Variants in UHRF2 observed in about 807,000 individuals in gnomAD.
UHRF2 encodes the protein E3 ubiquitin-protein ligase UHRF2.
UHRF2 carries 23 observed loss-of-function variants against 96.8 expected under a neutral mutation model. The observed-to-expected ratio is 0.24, with a 90% confidence interval of 0.17 to 0.34. UHRF2 has a LOEUF of 0.34. Among genes scored for constraint, UHRF2 ranks in the 10% least tolerant of loss-of-function variants. UHRF2 has a pLI of 1.00. For missense variants in UHRF2, 685 were observed against 981.5 expected (o/e 0.70, Z 4.04); for synonymous variants, 385 against 332.6 (o/e 1.16, Z -1.72).
rs1372600233 is a variant in UHRF2 at position 6,420,983 on chromosome 9, A to T, written c.225A>T (p.Pro75=). The T allele has an allele frequency of 1.9e-6, 3 of 1,613,740 alleles. No individual in the cohort carries two copies. In the South Asian group the frequency reaches 3.3e-5, roughly 18 times the overall value. Residue 75 remains proline, a synonymous_variant, in exon 2 of 16, where the codon CCA becomes CCT. Transcript: ENST00000276893. ...LNDIIQLLVR[P]DPDHLPGTST... ...ATATAATTCAGCTGCTAGTTCGCCC[A>T]GACCCTGATCATCTTCCTGGCACAT...
At chr9:6,430,723 C>T (rs1311598736) in intron 2 of UHRF2, among the ~76,000 whole-genome samples, 7 of 152,152 alleles carry the variant, frequency 4.6e-5, no homozygotes, top group Admixed American at 4.6e-4. Context: ...TTCAAACTAG[C>T]CATCTTGTTT....
chr9:6,444,775 G>A (rs971809980), intron 3 of UHRF2, among the ~76,000 whole-genome samples: 8 of 152,136 alleles, frequency 5.3e-5, no homozygotes, highest in Admixed American at 1.3e-4. Context: ...CCTAATTTTT[G>A]TATTTTTAGT....
intron 1 of UHRF2, among the ~76,000 whole-genome samples, chr9:6,420,286 A>C (rs1819853221): frequency 6.6e-6 from 1 of 151,430 alleles, no homozygotes; most frequent in South Asian, 2.1e-4. Context: ...CAAACTCCTG[A>C]CCTCGTCATC....
At chr9:6,487,598 C>T (rs1242847410) in intron 9 of UHRF2, among the ~76,000 whole-genome samples, 3 of 152,168 alleles carry the variant, frequency 2.0e-5, no homozygotes, top group Non-Finnish European at 2.9e-5. Context: ...AACTCCTGAC[C>T]TCAGGTGATC....
chr9:6,465,685 T>G, intron 4 of UHRF2, among the ~76,000 whole-genome samples: 1 of 152,362 alleles, frequency 6.6e-6, no homozygotes, highest in East Asian at 1.9e-4. Flanking sequence ...GTTTATCGGT[T>G]TTATTAGACT....
intron 10 of UHRF2, chr9:6,495,534 G>C (rs1331735329): frequency 6.6e-6 from 1 of 152,216 alleles, no homozygotes; most frequent in Admixed American, 6.5e-5. Flanking sequence ...TCTTTGCTAA[G>C]AGGTAGTTCG....
Position 6,413,350 on chromosome 9 carries a change from C to T in UHRF2, c.-141C>T. 2 of 821,782 alleles carry T rather than the reference C, an allele frequency of 2.4e-6. No homozygotes were observed. Among genetic ancestry groups the T allele is most frequent in the African/African-American group, 1.8e-5 (1 of 54,534 alleles). The allele number at this position is 821,782 out of a possible 1,614,324, so 50.9% of individuals were successfully genotyped here. Reference sequence around the variant, plus strand: ...AGTCGTCGCCGCCTGTCGGGCCCGGCGTCCGGTCGGTCCGGTGGGCGCGCT... The same window carrying T: ...AGTCGTCGCCGCCTGTCGGGCCCGGTGTCCGGTCGGTCCGGTGGGCGCGCT... On this transcript the variant is annotated 5_prime_UTR_variant, in exon 1 of 16. Coordinates refer to ENST00000276893, the MANE Select transcript of UHRF2 (RefSeq NM_152896.3).
intron 2 of UHRF2, among the ~76,000 whole-genome samples, chr9:6,431,716 G>A (rs1820572500): frequency 6.6e-6 from 1 of 152,152 alleles, no homozygotes; most frequent in African/African-American, 2.4e-5. Context: ...TTAGGTGTCT[G>A]TTAACTTTAG....
At position 6,420,908 on chromosome 9, in the gene UHRF2, C is replaced by G. The variant is rs778990323; in HGVS notation, c.154-4C>G. 1 of 1,606,194 alleles carries G rather than the reference C, an allele frequency of 6.2e-7. No individual in the cohort carries two copies. Among genetic ancestry groups the G allele is most frequent in the East Asian group, 2.2e-5 (1 of 44,828 alleles). On this transcript the variant is annotated splice_region_variant and splice_polypyrimidine_tract_variant and intron_variant, in intron 1 of 15. Coordinates refer to ENST00000276893, the MANE Select transcript of UHRF2 (RefSeq NM_152896.3). ...CATTTCACTATTCTTTCTTTATTTT[C>G]TAGTTGGAAAATGGATATACCTTAT...
intron 3 of UHRF2, among the ~76,000 whole-genome samples, chr9:6,444,817 G>C (rs942362012): frequency 2.6e-5 from 4 of 152,126 alleles, no homozygotes; most frequent in African/African-American, 9.7e-5. Context: ...TGGCCAGGCT[G>C]GTCTTGAACC....
chr9:6,450,789 G>A (rs1431338865), intron 3 of UHRF2, among the ~76,000 whole-genome samples: 1 of 152,098 alleles, frequency 6.6e-6, no homozygotes, highest in Non-Finnish European at 1.5e-5. Flanking sequence ...AATAGTTTTT[G>A]AATGTTTCTT....
At chr9:6,477,057 AC>A (rs1358789132) in intron 5 of UHRF2, among the ~76,000 whole-genome samples, 4 of 151,518 alleles carry the variant, frequency 2.6e-5, no homozygotes, top group Non-Finnish European at 5.9e-5. Context: ...ACCTGGTGAA[AC>A]CCTGTCTCTA....
intron 2 of UHRF2, among the ~76,000 whole-genome samples, chr9:6,429,351 T>C (rs988482874): frequency 6.6e-6 from 1 of 152,252 alleles, no homozygotes; most frequent in Non-Finnish European, 1.5e-5. Flanking sequence ...AAGTATGTAA[T>C]GGTAAACAGC....
At chr9:6,413,723 T>A (rs1819424185) in intron 1 of UHRF2, 80 bp downstream of exon 1, 1 of 1,340,134 alleles carries the variant, frequency 7.5e-7, no homozygotes, top group East Asian at 3.1e-5. Context: ...GTCCGAGGGC[T>A]CTGTGCGCCG....
intron 3 of UHRF2, among the ~76,000 whole-genome samples, chr9:6,457,205 T>C (rs1822236661): frequency 6.6e-6 from 1 of 152,130 alleles, no homozygotes. Flanking sequence ...TGTAGTTCTT[T>C]TTGGTGAGGT....
At chr9:6,415,857 TGATA>T (rs765913005) in intron 1 of UHRF2, among the ~76,000 whole-genome samples, 3 of 152,246 alleles carry the variant, frequency 2.0e-5, no homozygotes, top group East Asian at 1.9e-4. Flanking sequence ...AAATGAATGT[TGATA>T]GATAGTCTCC....
intron 9 of UHRF2, among the ~76,000 whole-genome samples, chr9:6,491,130 A>T (rs1244188616): frequency 6.6e-6 from 1 of 152,054 alleles, no homozygotes; most frequent in African/African-American, 2.4e-5. Context: ...TATTTTGGTG[A>T]CCTCTTCTGA....
At chr9:6,488,119 T>C (rs990763388) in intron 9 of UHRF2, among the ~76,000 whole-genome samples, 49 of 151,520 alleles carry the variant, frequency 3.2e-4, no homozygotes, top group African/African-American at 1.2e-3. Context: ...GGCATGTGCC[T>C]GTAGTCCCGG....
chr9:6,493,494 A>G (rs1824792346), intron 9 of UHRF2, among the ~76,000 whole-genome samples: 1 of 152,202 alleles, frequency 6.6e-6, no homozygotes. Context: ...AAGTTTTAAC[A>G]TTGAATTGAA....
Sources: gnomAD v4.1 joint callset for allele counts (sites outside exome capture counted in the v4.1 genomes callset) on GRCh38, gnomAD v4.1.1 for gene constraint, MANE v1.5 for transcripts, NCBI Gene and HGNC (gene_info 2026-07-23, HGNC 2026-07-21) for gene names.